OSBP2: variants seen among roughly 807,000 people sequenced by gnomAD.
OSBP2 encodes the protein oxysterol binding protein 2.
A neutral mutation model predicts 96.0 loss-of-function variants in OSBP2; 66 were observed. The ratio of observed to expected loss-of-function variants is 0.69; its 90% CI spans 0.56 to 0.84. The LOEUF is 0.84. OSBP2 is among the 40% of genes least tolerant of loss of function. OSBP2 has a pLI of 0.00. For missense variants in OSBP2, 1,038 were observed against 1,222.7 expected (o/e 0.85, Z 2.25); for synonymous variants, 525 against 520.9 (o/e 1.01, Z -0.11).
At chr22:30,697,235 A>G (rs2089058933) in intron 1 of OSBP2, among the ~76,000 whole-genome samples, 1 of 152,220 alleles carries the variant, frequency 6.6e-6, no homozygotes, top group Non-Finnish European at 1.5e-5. Flanking sequence ...GTAAAACCTG[A>G]TATCATGCTT....
intron 2 of OSBP2, among the ~76,000 whole-genome samples, chr22:30,761,455 A>G (rs538257384): frequency 1.8e-4 from 28 of 152,336 alleles, no homozygotes; most frequent in African/African-American, 6.0e-4. Context: ...ATAAATGGAG[A>G]GACATACAAT....
intron 2 of OSBP2, chr22:30,822,524 G>C: frequency 7.3e-7 from 1 of 1,373,004 alleles, no homozygotes; most frequent in African/African-American, 1.5e-5. Flanking sequence ...ACGAGTGTCC[G>C]CCGCCTCCGC....
At chr22:30,809,993 C>T (rs762904965) in intron 2 of OSBP2, among the ~76,000 whole-genome samples, 11 of 152,142 alleles carry the variant, frequency 7.2e-5, no homozygotes, top group East Asian at 1.9e-4. Flanking sequence ...GGAGAGATGT[C>T]GGGCTCAGCT....
At chr22:30,695,943 G>T (rs1289688944) in intron 1 of OSBP2, among the ~76,000 whole-genome samples, 1 of 152,056 alleles carries the variant, frequency 6.6e-6, no homozygotes, top group Admixed American at 6.6e-5. Context: ...GGGATTGAGG[G>T]AGAGAGTCAC....
Position 30,890,344 on chromosome 22 carries a change from G to A in OSBP2, c.1624-384G>A, listed in dbSNP as rs1392388794. Among the ~76,000 whole-genome samples the A allele has an allele frequency of 6.6e-6, 1 of 152,036 alleles. No homozygotes were observed. Among genetic ancestry groups the A allele is most frequent in the Admixed American group, 6.6e-5 (1 of 15,262 alleles). The stretch of plus-strand genomic sequence containing the variant: ...GCCCCATCACAGCTCGCAACATGGG[G>A]AAGACCCACTTCCTCCACCCACAGA... On this transcript the variant is annotated intron_variant, in intron 7 of 13. Coordinates refer to ENST00000332585, the MANE Select transcript of OSBP2 (RefSeq NM_030758.4). The surrounding 1 kb of genome is among the most constrained non-coding windows in gnomAD (Gnocchi z 4.4).
Position 30,717,110 on chromosome 22 carries a change from G to T in OSBP2, c.644+21557G>T, listed in dbSNP as rs1308422008. ...TGTTTTTGTGTGTGTGTGTGTGTGT[G>T]TGTGTGTGTGTGTGTGTGTGTGTAG... On this transcript the variant is annotated intron_variant, in intron 1 of 13. Transcript: ENST00000332585. Among the ~76,000 whole-genome samples, 165 of 144,010 alleles carry T rather than the reference G, an allele frequency of 1.1e-3. 2 individuals are homozygous for T. Among genetic ancestry groups the T allele is most frequent in the Middle Eastern group, 7.1e-3 (2 of 282 alleles). The allele number at this position is 144,010 out of a possible 152,430, so 94.5% of individuals were successfully genotyped here. A position where few individuals can be genotyped will look rare whatever the true frequency, so the allele number is the denominator to read the frequency against.
chr22:30,821,530 A>G (rs1458845735), intron 2 of OSBP2, among the ~76,000 whole-genome samples: 3 of 151,660 alleles, frequency 2.0e-5, no homozygotes, highest in African/African-American at 7.3e-5. Flanking sequence ...TCACTAGCTG[A>G]GGTGGGGAGG....
At chr22:30,763,046 G>T (rs1171093657) in intron 2 of OSBP2, among the ~76,000 whole-genome samples, 2 of 152,204 alleles carry the variant, frequency 1.3e-5, no homozygotes, top group Non-Finnish European at 2.9e-5. Flanking sequence ...CCTTGGACAA[G>T]TTGCTTGCCG....
At chr22:30,867,858 G>A (rs944462638) in intron 2 of OSBP2, among the ~76,000 whole-genome samples, 3 of 152,348 alleles carry the variant, frequency 2.0e-5, no homozygotes, top group East Asian at 1.9e-4. Flanking sequence ...GGGCTGACCC[G>A]CATCTGCATT....
At chr22:30,865,436 C>T (rs1234743971) in intron 2 of OSBP2, among the ~76,000 whole-genome samples, 1 of 151,944 alleles carries the variant, frequency 6.6e-6, no homozygotes, top group Non-Finnish European at 1.5e-5. Flanking sequence ...ACCAGCCTGG[C>T]CAACATAGTG....
rs1569170468 is a variant in OSBP2, at chr22:30,893,139, C to CT, written c.1888dup (p.Ser630PhefsTer79). 1.9e-6 allele frequency: 3 copies of CT among 1,613,958 alleles called. No homozygotes were observed. Among genetic ancestry groups the CT allele is most frequent in the Non-Finnish European group, 2.5e-6 (3 of 1,179,960 alleles). ...GGTCTCAGGTGAGCCACCACCCCCC[C>CT]TCAGCTGCGCACTACGTGTTCTCCA... is the stretch of plus-strand genomic sequence containing the variant. On this transcript the variant is annotated frameshift_variant, in exon 9 of 14. Coordinates refer to ENST00000332585, the MANE Select transcript of OSBP2 (RefSeq NM_030758.4). LOFTEE classifies it high-confidence loss of function.
chr22:30,835,855 C>CT (rs1463153024), intron 2 of OSBP2, among the ~76,000 whole-genome samples: 7 of 151,636 alleles, frequency 4.6e-5, no homozygotes, highest in Non-Finnish European at 7.4e-5. Flanking sequence ...GTAGCTGGGA[C>CT]TACAGGCATG....
chr22:30,731,279 AC>A (rs781416771), intron 1 of OSBP2, among the ~76,000 whole-genome samples: 18 of 152,232 alleles, frequency 1.2e-4, no homozygotes, highest in Non-Finnish European at 2.1e-4. Context: ...GATCAAAGTG[AC>A]CACCCAGCTC....
intron 2 of OSBP2, among the ~76,000 whole-genome samples, chr22:30,818,246 A>T (rs2091104093): frequency 6.6e-6 from 1 of 152,080 alleles, no homozygotes; most frequent in Non-Finnish European, 1.5e-5. Flanking sequence ...TCATAGACTT[A>T]CAAATGTGTT....
chr22:30,714,885 G>C (rs999579905), intron 1 of OSBP2, among the ~76,000 whole-genome samples: 1 of 152,146 alleles, frequency 6.6e-6, no homozygotes, highest in Non-Finnish European at 1.5e-5. Flanking sequence ...CAAACTGCTG[G>C]GATTACAGGC....
At chr22:30,728,143 T>TCCCCC (rs1376308127) in intron 1 of OSBP2, among the ~76,000 whole-genome samples, 2 of 151,714 alleles carry the variant, frequency 1.3e-5, no homozygotes, top group African/African-American at 4.8e-5. Flanking sequence ...ATGCCTGTAA[T>TCCCCC]CCCAGCACTT....
chr22:30,763,288 G>A (rs530937345), intron 2 of OSBP2, among the ~76,000 whole-genome samples: 2 of 152,282 alleles, frequency 1.3e-5, no homozygotes, highest in Admixed American at 1.3e-4. Context: ...TGACTTTTGG[G>A]TGCAGAGGGT....
chr22:30,743,001 A>G (rs1484231012), intron 2 of OSBP2, among the ~76,000 whole-genome samples: 1 of 152,230 alleles, frequency 6.6e-6, no homozygotes, highest in East Asian at 1.9e-4. Context: ...GCCCAGAGCT[A>G]CAGTAAATGT....
intron 2 of OSBP2, among the ~76,000 whole-genome samples, chr22:30,843,365 A>G (rs960537061): frequency 6.6e-6 from 1 of 151,392 alleles, no homozygotes; most frequent in African/African-American, 2.4e-5. Context: ...ATTGTCCAGT[A>G]TTTTGCAAGC....
Sources: gnomAD v4.1 joint callset for allele counts (sites outside exome capture counted in the v4.1 genomes callset) on GRCh38, gnomAD v4.1.1 for gene constraint, Gnocchi (gnomAD v3.1) non-coding constraint, MANE v1.5 for transcripts, NCBI Gene and HGNC (gene_info 2026-07-23, HGNC 2026-07-21) for gene names.